KDM4C: variants seen among roughly 807,000 people sequenced by gnomAD.
KDM4C encodes the protein lysine demethylase 4C.
A neutral mutation model predicts 129.3 loss-of-function variants in KDM4C; 81 were observed. The observed-to-expected ratio is 0.63, with a 90% confidence interval of 0.52 to 0.75. The LOEUF (loss-of-function observed/expected upper bound fraction) is 0.75. KDM4C is among the 30% of genes least tolerant of loss of function. The probability of loss-of-function intolerance (pLI) is 0.00; values close to 1 mark genes in which losing one functional copy is unlikely to be tolerated. For synonymous variants in KDM4C, 573 were observed against 456.1 expected, an observed-to-expected ratio of 1.26 and a Z score of -3.26; for missense variants, 1,457 against 1,304.0, an observed-to-expected ratio of 1.12 and a Z score of -1.81.
In KDM4C at chr9:7,017,098, G is replaced by C. The variant is rs4742283; in HGVS notation, c.2259+1169G>C. Among the ~76,000 whole-genome samples, 27 of 151,846 alleles carry C rather than the reference G, an allele frequency of 1.8e-4. No homozygotes were observed. In the South Asian group the frequency reaches 4.4e-3, roughly 25 times the overall value. ...CTACAGGCATGCGCCACCATGCCTGGGTAATTTTTAAATTCTTTTGTAGAG... is the reference window on the plus strand; with the variant it reads ...CTACAGGCATGCGCCACCATGCCTGCGTAATTTTTAAATTCTTTTGTAGAG... On this transcript the variant is annotated intron_variant, in intron 15 of 21. Coordinates refer to ENST00000381309, the MANE Select transcript of KDM4C (RefSeq NM_015061.6).
chr9:6,835,238 A>AT (rs1835671754), intron 4 of KDM4C: 2 of 912,758 alleles, frequency 2.2e-6, no homozygotes, highest in Non-Finnish European at 3.7e-6. Context: ...GCACTCTTCC[A>AT]GCTTTCCTTC....
intron 1 of KDM4C, among the ~76,000 whole-genome samples, chr9:6,767,789 A>G (rs1820937023): frequency 6.6e-6 from 1 of 152,176 alleles, no homozygotes; most frequent in South Asian, 2.1e-4. Flanking sequence ...TTCAAAAAGG[A>G]ATCCTTCCCT....
chr9:6,988,198 G>A (rs2760647), intron 11 of KDM4C, among the ~76,000 whole-genome samples: 143,647 of 145,860 alleles, frequency 0.98, 70,782 homozygotes, highest in South Asian at 1. Flanking sequence ...AAAAAAATTT[G>A]CAACTTAATT....
At chr9:6,769,371 A>C (rs2130585263) in intron 1 of KDM4C, among the ~76,000 whole-genome samples, 1 of 151,638 alleles carries the variant, frequency 6.6e-6, no homozygotes, top group African/African-American at 2.4e-5. Flanking sequence ...CTTTTTTGGC[A>C]GCTGGAGAGC....
intron 3 of KDM4C, among the ~76,000 whole-genome samples, chr9:6,807,853 C>T (rs1200922257): frequency 1.4e-5 from 2 of 144,134 alleles, no homozygotes; most frequent in African/African-American, 5.3e-5. Flanking sequence ...TGGGGGTCAG[C>T]CCCCCAACCT....
chr9:6,911,999 C>A (rs970331430), intron 8 of KDM4C, among the ~76,000 whole-genome samples: 3 of 152,136 alleles, frequency 2.0e-5, no homozygotes, highest in Non-Finnish European at 4.4e-5. Flanking sequence ...AAGGTGGAAA[C>A]CCAGTGCCAA....
intron 4 of KDM4C, among the ~76,000 whole-genome samples, chr9:6,844,764 C>G (rs2129962425): frequency 6.6e-6 from 1 of 152,136 alleles, no homozygotes; most frequent in East Asian, 1.9e-4. Context: ...CTCTGCTCAC[C>G]ACAACCTCTG....
At chr9:6,770,294 A>G (rs1196377746) in intron 1 of KDM4C, among the ~76,000 whole-genome samples, 1 of 152,052 alleles carries the variant, frequency 6.6e-6, no homozygotes, top group Non-Finnish European at 1.5e-5. Flanking sequence ...CTTTGTGCTT[A>G]TATCATGATT....
intron 12 of KDM4C, among the ~76,000 whole-genome samples, chr9:7,007,884 A>G (rs1055156509): frequency 6.6e-6 from 1 of 152,172 alleles, no homozygotes; most frequent in Non-Finnish European, 1.5e-5. Context: ...GATTTTCCCA[A>G]CCCATAAAAA....
chr9:6,849,656 C>T lies in KDM4C; in HGVS notation c.585C>T (p.Asp195=), dbSNP rs929993107. 6.2e-6 allele frequency: 10 copies of T among 1,612,310 alleles called. No homozygotes were observed. The highest frequency in any genetic ancestry group is 5.0e-5 in the Admixed American group (3 of 59,990). ...TTGCATGGCACACCGAAGACATGGA[C>T]CTCTATAGCATTAATTATCTCCACT... The part of the protein sequence containing the change: ...TTFAWHTEDM[D]LYSINYLHFG... Residue 195 remains aspartate, a synonymous_variant, in exon 5 of 22, where the codon GAC becomes GAT. Coordinates refer to ENST00000381309, the MANE Select transcript of KDM4C (RefSeq NM_015061.6).
At chr9:6,737,029 C>T (rs1411613405) in intron 1 of KDM4C, among the ~76,000 whole-genome samples, 18 of 123,856 alleles carry the variant, frequency 1.5e-4, no homozygotes, top group South Asian at 2.6e-4. Context: ...CCAGACTGGG[C>T]GACACAGCGA....
In KDM4C at chr9:7,003,390, G is replaced by A. The variant is rs541909572; in HGVS notation, c.1787-8308G>A. On this transcript the variant is annotated intron_variant, in intron 12 of 21. Transcript: ENST00000381309. ...CCACGCTGGTAATGCCATAGTTCCT[G>A]GTGAAACCCATCTCCTCAGAGGTAG... Among the ~76,000 whole-genome samples, 14 of 151,192 alleles carry A rather than the reference G, an allele frequency of 9.3e-5. 1 individual carries two copies. In the South Asian group the frequency reaches 2.9e-3, roughly 32 times the overall value.
Position 6,888,283 on chromosome 9 carries a change from T to C in KDM4C, c.783+220T>C, listed in dbSNP as rs116569194. ...ATTTCATGTTGCTATAGTTCACTTA[T>C]AATTGTACTGAAAATAAAATGTAGC... On this transcript the variant is annotated intron_variant, in intron 7 of 21. Coordinates refer to ENST00000381309, the MANE Select transcript of KDM4C (RefSeq NM_015061.6). Among the ~76,000 whole-genome samples the C allele has an allele frequency of 6.4e-3, 972 of 152,338 alleles. 12 individuals carry two copies. Among genetic ancestry groups the C allele is most frequent in the African/African-American group, 0.022 (935 of 41,584 alleles).
At chr9:6,947,159 G>A (rs540767346) in intron 8 of KDM4C, among the ~76,000 whole-genome samples, 2 of 152,158 alleles carry the variant, frequency 1.3e-5, no homozygotes, top group African/African-American at 4.8e-5. Context: ...ATTCACTTGC[G>A]CCAAATTTCT....
Position 7,024,091 on chromosome 9 carries a change from A to G in KDM4C, c.2259+8162A>G, listed in dbSNP as rs150703327. On this transcript the variant is annotated intron_variant, in intron 15 of 21. Transcript: ENST00000381309. ...GAATGATCTGTGTGCAGAGGAAAAG[A>G]ATGTGTATCCTGTGACCTTCGTATG... Among the ~76,000 whole-genome samples, 792 of 152,288 alleles carry G rather than the reference A, an allele frequency of 5.2e-3. 6 individuals are homozygous for G. Among genetic ancestry groups the G allele is most frequent in the African/African-American group, 0.018 (756 of 41,566 alleles).
chr9:6,994,842 C>T (rs1026065282), intron 12 of KDM4C, among the ~76,000 whole-genome samples: 1 of 152,112 alleles, frequency 6.6e-6, no homozygotes, highest in Admixed American at 6.5e-5. Flanking sequence ...AGTTTTGTAT[C>T]TTGACAGAAT....
At chr9:7,091,274 A>G (rs191977136) in intron 17 of KDM4C, among the ~76,000 whole-genome samples, 7 of 152,068 alleles carry the variant, frequency 4.6e-5, no homozygotes, top group East Asian at 1.9e-4. Flanking sequence ...GAGAGAGGTA[A>G]AAACTGTGGA....
chr9:6,730,823 A>T (rs1202700585), intron 1 of KDM4C, among the ~76,000 whole-genome samples: 1 of 152,116 alleles, frequency 6.6e-6, no homozygotes, highest in African/African-American at 2.4e-5. Flanking sequence ...CGTTTGCCTT[A>T]TTTGAACAGT....
chr9:6,915,057 C>G (rs948671024), intron 8 of KDM4C, among the ~76,000 whole-genome samples: 1 of 152,180 alleles, frequency 6.6e-6, no homozygotes, highest in Admixed American at 6.5e-5. Flanking sequence ...TCGAGTTAGT[C>G]TTACTGAAAT....
Sources: allele counts gnomAD v4.1 joint callset (sites outside exome capture counted in the v4.1 genomes callset), GRCh38; gene constraint gnomAD v4.1.1; transcripts MANE v1.5; gene names NCBI Gene and HGNC (gene_info 2026-07-23, HGNC 2026-07-21).